PRKCD: variants seen among roughly 807,000 people sequenced by gnomAD.
PRKCD encodes protein kinase C delta type.
Under a neutral mutation model 82.2 loss-of-function variants are expected in PRKCD, and 20 were observed. The ratio of observed to expected loss-of-function variants is 0.24; its 90% CI spans 0.17 to 0.35. The LOEUF (loss-of-function observed/expected upper bound fraction) is 0.35, where lower values mean the gene tolerates loss of function less well. PRKCD is among the 10% of genes least tolerant of loss of function. The pLI is 1.00. For missense variants in PRKCD, 607 were observed against 899.0 expected, an observed-to-expected ratio of 0.68 and a Z score of 4.15; for synonymous variants, 317 against 337.0, an observed-to-expected ratio of 0.94 and a Z score of 0.65.
intron 18 of PRKCD, among the ~76,000 whole-genome samples, chr3:53,191,323 G>A (rs536477338): frequency 5.3e-5 from 8 of 152,298 alleles, no homozygotes; most frequent in South Asian, 2.1e-4. Context: ...CAGGAGAATC[G>A]CTTGAACCCA....
At chr3:53,190,134 G>A (rs1343041479) in intron 18 of PRKCD, 133 bp downstream of exon 18, 14 of 1,306,710 alleles carry the variant, frequency 1.1e-5, no homozygotes, top group South Asian at 3.9e-5. Context: ...AGTCACAGCC[G>A]CTGCCCTTGT....
chr3:53,179,702 G>A lies in PRKCD; in HGVS notation c.241G>A (p.Val81Met). The A allele has an allele frequency of 6.2e-7, 1 of 1,608,890 alleles. No homozygotes were observed. Among genetic ancestry groups the A allele is most frequent in the Non-Finnish European group, 8.5e-7 (1 of 1,176,966 alleles). The change falls in exon 4 of 19, where the codon GTG becomes ATG. Residue 81 changes from valine (V) to methionine (M), a missense_variant. By Grantham distance (21) the Val-to-Met change is conservative. Around this residue, in one of 5 missense-constraint regions of PRKCD, gnomAD observed 161 missense variants for 227.0 expected, o/e 0.71. Coordinates refer to ENST00000330452, the MANE Select transcript of PRKCD (RefSeq NM_006254.4). ...IVLMRAAEEP[V>M]SEVTVGVSVL... The stretch of plus-strand genomic sequence containing the variant: ...GCTAATGCGGGCAGCAGAGGAGCCA[G>A]TGTCTGAGGTGACCGTGGGTGTGTC...
At chr3:53,185,349 G>A (rs542447042) in intron 10 of PRKCD, among the ~76,000 whole-genome samples, 11 of 152,220 alleles carry the variant, frequency 7.2e-5, no homozygotes, top group Non-Finnish European at 1.5e-4. Context: ...AATCTATCGA[G>A]TGAGTGGTTG....
At chr3:53,162,098 A>T (rs1455940860) in intron 1 of PRKCD, among the ~76,000 whole-genome samples, 7 of 150,596 alleles carry the variant, frequency 4.6e-5, no homozygotes, top group Non-Finnish European at 1.0e-4. Context: ...CGGTCCCTTC[A>T]TCCGTCTCTG....
rs782433548 is a variant in PRKCD at position 53,179,725 on chromosome 3, G to T, written c.264G>T (p.Val88=). 6.9e-6 allele frequency: 11 copies of T among 1,601,250 alleles called. No homozygotes were observed. The Admixed American group carries it at 1.7e-4, about 25-fold the overall frequency. Residue 88 remains valine, a synonymous_variant, in exon 4 of 19, where the codon GTG becomes GTT. Transcript: ENST00000330452. ...EEPVSEVTVG[V]SVLAERCKKN... is the part of the protein sequence containing the mutation. Reference sequence around the variant, plus strand: ...CAGTGTCTGAGGTGACCGTGGGTGTGTCGGTGCTGGCCGAGCGCTGCAAGA... The same window carrying T: ...CAGTGTCTGAGGTGACCGTGGGTGTTTCGGTGCTGGCCGAGCGCTGCAAGA...
At chr3:53,179,041 C>T (rs1703323340) in intron 3 of PRKCD, among the ~76,000 whole-genome samples, 1 of 152,214 alleles carries the variant, frequency 6.6e-6, no homozygotes, top group Non-Finnish European at 1.5e-5. Flanking sequence ...CCTGGTGAAC[C>T]CCTATTTGTC....
intron 1 of PRKCD, among the ~76,000 whole-genome samples, chr3:53,164,528 A>T (rs782781091): frequency 6.6e-6 from 1 of 151,958 alleles, no homozygotes; most frequent in African/African-American, 2.4e-5. Context: ...GGTTGCAGTG[A>T]GCCAAGATCG....
rs1318006673 is a variant in PRKCD at position 53,187,191 on chromosome 3, C to A, written c.1353-149C>A. ...GCCTGGGCTGCCAGCCCCCACTTGC[C>A]TGATACAAGATGTACTTGATCATGC... On this transcript the variant is annotated intron_variant, in intron 14 of 18. Transcript: ENST00000330452. The A allele has an allele frequency of 9.4e-4, 860 of 919,532 alleles. 2 individuals are homozygous for A. In the African/African-American group the frequency reaches 0.012, roughly 13 times the overall value. The allele number at this position is 919,532 out of a possible 1,614,324, so 57.0% of individuals were successfully genotyped here.
At position 53,184,983 on chromosome 3, in the gene PRKCD, G is replaced by T. The variant is rs368332056; in HGVS notation, c.888+9G>T. 6.2e-7 allele frequency: 1 copy of T among 1,612,870 alleles called. No homozygotes were observed. Among genetic ancestry groups the T allele is most frequent in the Non-Finnish European group, 8.5e-7 (1 of 1,178,936 alleles). On this transcript the variant is annotated intron_variant, in intron 10 of 18. Coordinates refer to ENST00000330452, the MANE Select transcript of PRKCD (RefSeq NM_006254.4). ...TGAACCAAGTCACCCAGGTGGGCAG[G>T]TGCCATGGGGACCCTGGACACAGGG...
At chr3:53,168,657 G>A (rs1187914102) in intron 2 of PRKCD, among the ~76,000 whole-genome samples, 7 of 151,918 alleles carry the variant, frequency 4.6e-5, no homozygotes, top group Non-Finnish European at 1.0e-4. Context: ...CATGAACGAT[G>A]GGAAGGAGCC....
At chr3:53,181,133 G>A in intron 4 of PRKCD, 74 bp from the exon 5 acceptor site, 1 of 1,517,406 alleles carries the variant, frequency 6.6e-7, no homozygotes, top group Non-Finnish European at 9.0e-7. Context: ...AGCCATGGGG[G>A]TGGGTTCTGA....
intron 18 of PRKCD, 39 bp downstream of exon 18, chr3:53,190,040 A>C (rs1553670516): frequency 1.2e-6 from 2 of 1,610,692 alleles, no homozygotes; most frequent in South Asian, 1.1e-5. Flanking sequence ...AGGCTGAGCT[A>C]CTCCTCTCCT....
chr3:53,191,277 G>A (rs755456781), intron 18 of PRKCD, among the ~76,000 whole-genome samples: 1 of 152,046 alleles, frequency 6.6e-6, no homozygotes, highest in Non-Finnish European at 1.5e-5. Context: ...GTACGGTGGT[G>A]CACACCTGTA....
At chr3:53,182,508 A>C (rs1559625783) in intron 7 of PRKCD, among the ~76,000 whole-genome samples, 1 of 151,916 alleles carries the variant, frequency 6.6e-6, no homozygotes, top group Non-Finnish European at 1.5e-5. Context: ...ACCTCAAGTG[A>C]CTCACCCACC....
At chr3:53,182,061 C>A in intron 7 of PRKCD, 1 of 482,552 alleles carries the variant, frequency 2.1e-6, no homozygotes, top group South Asian at 1.8e-5. Flanking sequence ...AGGTCCTTTA[C>A]TGGCACATAG....
At position 53,169,636 on chromosome 3, in the gene PRKCD, C is replaced by T. The variant is rs1185788921; in HGVS notation, c.-20+4421C>T. Among the ~76,000 whole-genome samples, 1 of 152,084 alleles carries T rather than the reference C, an allele frequency of 6.6e-6. No homozygotes were observed. Among genetic ancestry groups the T allele is most frequent in the Non-Finnish European group, 1.5e-5 (1 of 67,982 alleles). The stretch of plus-strand genomic sequence containing the variant: ...GGTGGGAGGAGGATCCCAGGGTCCT[C>T]CAGTGTCAGGGCTGGAGAAAGCTTA... On this transcript the variant is annotated intron_variant, in intron 2 of 18. Coordinates refer to ENST00000330452, the MANE Select transcript of PRKCD (RefSeq NM_006254.4). This position sits in a 1 kb window ranked among gnomAD's most constrained non-coding sequence, Gnocchi z 4.7.
rs1553670068 is a variant in PRKCD, at chr3:53,188,834, C to T, written c.1530C>T (p.Gly510=). The change falls in exon 16 of 19, where the codon GGC becomes GGT. Residue 510 remains glycine, a synonymous_variant. Coordinates refer to ENST00000330452, the MANE Select transcript of PRKCD (RefSeq NM_006254.4). The part of the protein sequence containing the change: ...FGESRASTFC[G]TPDYIAPEIL... The stretch of plus-strand genomic sequence containing the variant: ...AGAGCCGGGCCAGCACCTTCTGCGG[C>T]ACCCCTGACTATATCGCCCCTGAGG... The T allele has an allele frequency of 5.0e-6, 8 of 1,614,166 alleles. No homozygotes were observed. Among genetic ancestry groups the T allele is most frequent in the Non-Finnish European group, 6.8e-6 (8 of 1,180,032 alleles).
rs58006923 is a variant in PRKCD at position 53,182,322 on chromosome 3, G to A, written c.571+590G>A. 9.8e-3 allele frequency among the ~76,000 whole-genome samples: 1,493 copies of A among 151,926 alleles called. 17 individuals carry two copies. The highest frequency in any genetic ancestry group is 0.035 in the African/African-American group (1,428 of 41,382). ...CTCATTCTGTTGCCCAAGCTAGAGTGCAGTTGTGCGATCTCAGCTCACTGT... is the reference window on the plus strand; with the variant it reads ...CTCATTCTGTTGCCCAAGCTAGAGTACAGTTGTGCGATCTCAGCTCACTGT... On this transcript the variant is annotated intron_variant, in intron 7 of 18. Coordinates refer to ENST00000330452, the MANE Select transcript of PRKCD (RefSeq NM_006254.4).
chr3:53,181,948 A>G (rs532004109), intron 7 of PRKCD: 5 of 742,758 alleles, frequency 6.7e-6, no homozygotes, highest in Non-Finnish European at 1.2e-5. Context: ...CTCCGCATTC[A>G]GTGACGGGGA....
Sources: gnomAD v4.1 joint callset for allele counts (sites outside exome capture counted in the v4.1 genomes callset) on GRCh38, gnomAD v4.1.1 for gene constraint, gnomAD v4.1.1 regional missense constraint, Gnocchi (gnomAD v3.1) non-coding constraint, MANE v1.5 for transcripts, NCBI Gene and HGNC (gene_info 2026-07-23, HGNC 2026-07-21) for gene names.